Variants in AKT2 observed in about 807,000 individuals in gnomAD.
AKT2 encodes RAC-beta serine/threonine-protein kinase.
Under a neutral mutation model 58.6 loss-of-function variants are expected in AKT2, and 16 were observed. That is an observed-to-expected ratio of 0.27 (90% CI 0.18 to 0.41). AKT2 has a LOEUF of 0.41. AKT2 is among the 10% of genes least tolerant of loss of function. The pLI is 1.00. For synonymous variants in AKT2, 253 were observed against 254.0 expected (o/e 1.00, Z 0.04); for missense variants, 438 against 661.0 (o/e 0.66, Z 3.70).
intron 1 of AKT2, among the ~76,000 whole-genome samples, chr19:40,277,400 TGTCTCCAAAGCA>T (rs2077346772): frequency 6.6e-6 from 1 of 152,140 alleles, no homozygotes; most frequent in South Asian, 2.1e-4. Context: ...TAGGGCGCCC[TGTCTCCAAAGCA>T]GAATATGGTC....
At chr19:40,266,393 AC>A (rs1976354918) in intron 1 of AKT2, 1 of 152,288 alleles carries the variant, frequency 6.6e-6, no homozygotes. Context: ...CGGACACGCT[AC>A]TGCCTGGCAT....
chr19:40,238,226 C>T lies in AKT2; in HGVS notation c.709-135G>A. The T allele has an allele frequency of 1.1e-5, 14 of 1,224,630 alleles. No homozygotes were observed. Among genetic ancestry groups the T allele is most frequent in the Non-Finnish European group, 1.6e-5 (14 of 874,472 alleles). The allele number at this position is 1,224,630 out of a possible 1,614,324, so 75.9% of individuals were successfully genotyped here. A position where few individuals can be genotyped will look rare whatever the true frequency, so the allele number is the denominator to read the frequency against. ...AACCAGCAAGTGACAGCTAGAGGGA[C>T]CAATCAAGGCAGAGCGCAGAAGCTC... On this transcript the variant is annotated intron_variant, in intron 8 of 13. Coordinates refer to ENST00000392038, the MANE Select transcript of AKT2 (RefSeq NM_001626.6). The surrounding 1 kb of genome is among the most constrained non-coding windows in gnomAD (Gnocchi z 5.1).
rs1406629551 is a variant in AKT2 at position 40,285,210 on chromosome 19, G to A, written c.-114C>T. ...CACCGGCAGCCGCCCAGCCTCTCCG[G>A]CGGGGCTCTACCCCCGCCCATCGCC... On this transcript the variant is annotated 5_prime_UTR_variant, in exon 1 of 14. Coordinates refer to ENST00000392038, the MANE Select transcript of AKT2 (RefSeq NM_001626.6). 2 of 395,154 alleles carry A rather than the reference G, an allele frequency of 5.1e-6. No homozygotes were observed. Among genetic ancestry groups the A allele is most frequent in the Non-Finnish European group, 8.9e-6 (2 of 223,738 alleles). 24.5% of individuals were successfully genotyped at this position (395,154 alleles called of 1,614,324 possible). A position where few individuals can be genotyped will look rare whatever the true frequency, so the allele number is the denominator to read the frequency against.
chr19:40,233,579 C>T lies in AKT2; in HGVS notation c.*293G>A, dbSNP rs1319919312. ...CCCAGGCGCCATGCTTCACCCCTCA[C>T]TGGGGCTTGTGTGGATTAAAACCTG... On this transcript the variant is annotated 3_prime_UTR_variant, in exon 14 of 14. Transcript: ENST00000392038. The surrounding 1 kb of genome is among the most constrained non-coding windows in gnomAD (Gnocchi z 4.3). 4.3e-6 allele frequency: 3 copies of T among 698,044 alleles called. No individual in the cohort carries two copies. Among genetic ancestry groups the T allele is most frequent in the Non-Finnish European group, 8.0e-6 (3 of 374,038 alleles). The allele number at this position is 698,044 out of a possible 1,614,324, so 43.2% of individuals were successfully genotyped here. A position where few individuals can be genotyped will look rare whatever the true frequency, so the allele number is the denominator to read the frequency against.
intron 3 of AKT2, among the ~76,000 whole-genome samples, chr19:40,256,456 T>C (rs541381669): frequency 1.3e-5 from 2 of 152,228 alleles, no homozygotes; most frequent in Admixed American, 1.3e-4. Flanking sequence ...TTGGGGCTTG[T>C]GAAACTTCAC....
At chr19:40,283,426 G>A (rs752024127) in intron 1 of AKT2, among the ~76,000 whole-genome samples, 6 of 152,166 alleles carry the variant, frequency 3.9e-5, no homozygotes, top group Non-Finnish European at 8.8e-5. Context: ...CTACAGAGTC[G>A]CCGCTGCCTC....
intron 1 of AKT2, among the ~76,000 whole-genome samples, chr19:40,281,664 T>C (rs1006606360): frequency 6.6e-6 from 1 of 152,226 alleles, no homozygotes; most frequent in Non-Finnish European, 1.5e-5. Flanking sequence ...TTTCTGCATC[T>C]GTAAAACTGA....
At chr19:40,252,272 C>G (rs1368093523) in intron 4 of AKT2, among the ~76,000 whole-genome samples, 1 of 152,180 alleles carries the variant, frequency 6.6e-6, no homozygotes, top group Non-Finnish European at 1.5e-5. Context: ...CCTCCACCCA[C>G]CCATAGTTAA....
In AKT2 at chr19:40,238,636, C is replaced by T. The variant is rs1229205940; in HGVS notation, c.708+269G>A. On this transcript the variant is annotated intron_variant, in intron 8 of 13. Coordinates refer to ENST00000392038, the MANE Select transcript of AKT2 (RefSeq NM_001626.6). This position sits in a 1 kb window ranked among gnomAD's most constrained non-coding sequence, Gnocchi z 5.1. ...ACCATCCTTCCCAGTGCTATCGCCC[C>T]ACAGCCCTCTCCACACCTCTCTGGA... 6.6e-6 allele frequency among the ~76,000 whole-genome samples: 1 copy of T among 152,136 alleles called. No homozygotes were observed. The highest frequency in any genetic ancestry group is 2.4e-5 in the African/African-American group (1 of 41,440).
At chr19:40,280,451 CTCAG>C (rs749522777) in intron 1 of AKT2, among the ~76,000 whole-genome samples, 1 of 152,174 alleles carries the variant, frequency 6.6e-6, no homozygotes, top group Non-Finnish European at 1.5e-5. Context: ...CCCTGCTCCG[CTCAG>C]TCAAATCTAC....
chr19:40,234,736 T>C lies in AKT2; in HGVS notation c.1366+309A>G. On this transcript the variant is annotated intron_variant, in intron 13 of 13. Coordinates refer to ENST00000392038, the MANE Select transcript of AKT2 (RefSeq NM_001626.6). The surrounding 1 kb of genome is among the most constrained non-coding windows in gnomAD (Gnocchi z 4.7). The stretch of plus-strand genomic sequence containing the variant: ...CTGTGTCCCCAGCATAGCCCAGCCC[T>C]GGGCTGAGTTCAGAGTAAGAACCCA... The C allele has an allele frequency of 1.7e-6, 1 of 604,288 alleles. No homozygotes were observed. Among genetic ancestry groups the C allele is most frequent in the East Asian group, 2.7e-5 (1 of 36,472 alleles). 37.4% of individuals were successfully genotyped at this position (604,288 alleles called of 1,614,324 possible).
chr19:40,238,931 C>A lies in AKT2; in HGVS notation c.682G>T (p.Val228Leu). ...AFQTHDRLCF[V>L]MEYANGGELF... Reference sequence around the variant, plus strand: ...TCACCCCCGTTGGCATACTCCATCACAAAGCACAGGCGGTCGTGGGTCTGG... The same window carrying A: ...TCACCCCCGTTGGCATACTCCATCAAAAAGCACAGGCGGTCGTGGGTCTGG... Residue 228 changes from valine to leucine, a missense_variant, in exon 8 of 14, where the codon GTG becomes TTG. Physicochemically the swap from Val to Leu is conservative, Grantham distance 32 (BLOSUM62 1). Around this residue, in one of 3 missense-constraint regions of AKT2, gnomAD observed 244 missense variants for 347.1 expected, o/e 0.70. Transcript: ENST00000392038. This position sits in a 1 kb window ranked among gnomAD's most constrained non-coding sequence, Gnocchi z 5.1. The A allele has an allele frequency of 6.2e-7, 1 of 1,614,084 alleles. No individual in the cohort carries two copies. The highest frequency in any genetic ancestry group is 1.6e-4 in the Middle Eastern group (1 of 6,062).
intron 1 of AKT2, chr19:40,265,930 G>A (rs1378378612): frequency 1.3e-5 from 2 of 157,414 alleles, no homozygotes; most frequent in East Asian, 3.8e-4. Flanking sequence ...CTGAGCCTCA[G>A]CGGCCTCCCT....
rs960438779 is a variant in AKT2, at chr19:40,237,857, C to T, written c.831+112G>A. ...GAATGAGGGCAGCCACCACCCTGGA[C>T]CTTGGTGGGGAGCCTGGCGAATGAG... On this transcript the variant is annotated intron_variant, in intron 9 of 13. Coordinates refer to ENST00000392038, the MANE Select transcript of AKT2 (RefSeq NM_001626.6). This position sits in a 1 kb window ranked among gnomAD's most constrained non-coding sequence, Gnocchi z 4.5. 2 of 1,508,538 alleles carry T rather than the reference C, an allele frequency of 1.3e-6. No homozygotes were observed. Among genetic ancestry groups the T allele is most frequent in the East Asian group, 4.8e-5 (2 of 41,534 alleles). The allele number at this position is 1,508,538 out of a possible 1,614,324, so 93.4% of individuals were successfully genotyped here. A position where few individuals can be genotyped will look rare whatever the true frequency, so the allele number is the denominator to read the frequency against.
chr19:40,264,943 G>T (rs1005026153), intron 2 of AKT2, among the ~76,000 whole-genome samples: 1 of 152,188 alleles, frequency 6.6e-6, no homozygotes, highest in East Asian at 1.9e-4. Flanking sequence ...CACTGTGTTA[G>T]TTCAGTGACG....
At chr19:40,278,010 C>T (rs980584744) in intron 1 of AKT2, among the ~76,000 whole-genome samples, 3 of 152,134 alleles carry the variant, frequency 2.0e-5, no homozygotes, top group Non-Finnish European at 4.4e-5. Context: ...TGGGAGGGGC[C>T]AAGGTCATGG....
chr19:40,277,973 C>A (rs2077356777), intron 1 of AKT2, among the ~76,000 whole-genome samples: 1 of 152,170 alleles, frequency 6.6e-6, no homozygotes, highest in Admixed American at 6.5e-5. Flanking sequence ...TGCCTCCCAT[C>A]CTCATCTCTT....
At chr19:40,284,270 C>T (rs903878890) in intron 1 of AKT2, among the ~76,000 whole-genome samples, 2 of 152,082 alleles carry the variant, frequency 1.3e-5, no homozygotes, top group Non-Finnish European at 2.9e-5. Context: ...GGTGCAGGGG[C>T]ACGGCTCCTC....
At chr19:40,280,568 C>T (rs765098478) in intron 1 of AKT2, among the ~76,000 whole-genome samples, 84 of 152,282 alleles carry the variant, frequency 5.5e-4, no homozygotes, top group Admixed American at 5.1e-3. Flanking sequence ...CCTTCACAGA[C>T]AGTCCACAAG....
Sources: allele counts gnomAD v4.1 joint callset (sites outside exome capture counted in the v4.1 genomes callset), GRCh38; gene constraint gnomAD v4.1.1; regional missense constraint gnomAD v4.1.1; non-coding constraint Gnocchi (gnomAD v3.1); transcripts MANE v1.5; gene names NCBI Gene and HGNC (gene_info 2026-07-23, HGNC 2026-07-21).